The following CCDC39 variants were observed in gnomAD, a reference collection of about 807,000 sequenced individuals.
CCDC39 encodes coiled-coil domain-containing protein 39.
A neutral mutation model predicts 121.0 loss-of-function variants in CCDC39; 113 were observed. The observed-to-expected ratio is 0.93, with a 90% CI of 0.80 to 1.09. The LOEUF (loss-of-function observed/expected upper bound fraction) is 1.09. CCDC39 is among the 50% of genes least tolerant of loss of function. The pLI is 0.00. For synonymous variants in CCDC39, 349 were observed against 352.2 expected (o/e 0.99, Z 0.10); for missense variants, 1,063 against 1,074.7 (o/e 0.99, Z 0.15).
intron 14 of CCDC39, among the ~76,000 whole-genome samples, chr3:180,622,624 A>T (rs1206894550): frequency 6.6e-6 from 1 of 152,062 alleles, no homozygotes; most frequent in Non-Finnish European, 1.5e-5. Flanking sequence ...TCATGAAGGA[A>T]TGCTGAATTT....
chr3:180,646,706 T>C (rs75800769), intron 11 of CCDC39, among the ~76,000 whole-genome samples: 2,355 of 152,170 alleles, frequency 0.015, 65 homozygotes, highest in African/African-American at 0.054. Flanking sequence ...TTCTAAACAG[T>C]GTACTCTTGA....
In CCDC39 at chr3:180,654,768, C is replaced by G; in HGVS notation, c.924G>C (p.Lys308Asn). ...QDHETSRIQL[K>N]GELDSLKATV... Reference sequence around the variant, plus strand: ...CTTTTTTGAGTTGACATACCTCACCCTTCAGCTGAATTCTACTAGTTTCAT... The same window carrying G: ...CTTTTTTGAGTTGACATACCTCACCGTTCAGCTGAATTCTACTAGTTTCAT... The change falls in exon 7 of 20, where the codon AAG becomes AAC. Residue 308 changes from lysine (K) to asparagine (N), a missense_variant. Physicochemically the swap from Lys to Asn is moderately conservative, Grantham distance 94. Coordinates refer to ENST00000476379, the MANE Select transcript of CCDC39 (RefSeq NM_181426.2). The G allele has an allele frequency of 6.2e-7, 1 of 1,605,620 alleles. No homozygotes were observed. Among genetic ancestry groups the G allele is most frequent in the Non-Finnish European group, 8.5e-7 (1 of 1,175,768 alleles).
chr3:180,675,967 T>G lies in CCDC39; in HGVS notation c.90+3324A>C, dbSNP rs181877259. On this transcript the variant is annotated intron_variant, in intron 1 of 19. Transcript: ENST00000476379. ...TGTAGAAAGCTGAAACTGGATTCCT[T>G]CCTTACACCTTATACAAAAATTAAT... 1.2e-3 allele frequency among the ~76,000 whole-genome samples: 178 copies of G among 152,320 alleles called. 3 individuals carry two copies. The highest frequency in any genetic ancestry group is 5.5e-3 in the Admixed American group (84 of 15,300).
intron 6 of CCDC39, among the ~76,000 whole-genome samples, chr3:180,656,796 T>C (rs1463485715): frequency 1.3e-5 from 2 of 152,240 alleles, no homozygotes; most frequent in Non-Finnish European, 2.9e-5. Flanking sequence ...ATGCTAATTA[T>C]GATGCATTAG....
At chr3:180,617,112 C>T in intron 16 of CCDC39, 146 bp from the exon 17 acceptor site, 1 of 568,800 alleles carries the variant, frequency 1.8e-6, no homozygotes, top group Non-Finnish European at 3.0e-6. Context: ...TTAATGACAT[C>T]TCGGTCAATG....
At chr3:180,638,986 T>C (rs200857612) in intron 13 of CCDC39, among the ~76,000 whole-genome samples, 29 of 152,262 alleles carry the variant, frequency 1.9e-4, no homozygotes, top group African/African-American at 5.5e-4. Context: ...CATATGTCCA[T>C]ACCAAGAACA....
intron 6 of CCDC39, among the ~76,000 whole-genome samples, chr3:180,658,019 C>A (rs1184563917): frequency 1.3e-5 from 2 of 151,564 alleles, no homozygotes; most frequent in South Asian, 4.2e-4. Flanking sequence ...GGATTGCCTG[C>A]GGTCAGGAGT....
chr3:180,636,773 C>T (rs562000406), intron 13 of CCDC39, among the ~76,000 whole-genome samples: 1 of 152,248 alleles, frequency 6.6e-6, no homozygotes, highest in South Asian at 2.1e-4. Context: ...AGAAATCAGG[C>T]TGCATCCCTA....
At chr3:180,638,457 A>C (rs1318840184) in intron 13 of CCDC39, among the ~76,000 whole-genome samples, 1 of 152,144 alleles carries the variant, frequency 6.6e-6, no homozygotes, top group East Asian at 1.9e-4. Context: ...ATCCAAGAAA[A>C]TAGAATGATG....
intron 13 of CCDC39, among the ~76,000 whole-genome samples, chr3:180,636,591 T>C (rs1717833650): frequency 6.7e-6 from 1 of 149,372 alleles, no homozygotes; most frequent in South Asian, 2.1e-4. Context: ...TATTTTAAAA[T>C]TCATATGGAA....
At chr3:180,635,413 A>G (rs1350983945) in intron 13 of CCDC39, among the ~76,000 whole-genome samples, 1 of 152,218 alleles carries the variant, frequency 6.6e-6, no homozygotes, top group Non-Finnish European at 1.5e-5. Context: ...CAAAAGTCCA[A>G]GTCCAAAGTC....
At chr3:180,676,806 C>A (rs1399284957) in intron 1 of CCDC39, among the ~76,000 whole-genome samples, 2 of 152,214 alleles carry the variant, frequency 1.3e-5, no homozygotes, top group East Asian at 3.9e-4. Flanking sequence ...GAATACTATG[C>A]AGCCATAAAA....
rs745514628 is a variant in CCDC39, at chr3:180,648,355, A to T, written c.1172T>A (p.Val391Glu). Residue 391 changes from valine (V) to glutamate (E), a missense_variant, in exon 10 of 20, where the codon GTA becomes GAA. Physicochemically the swap from Val to Glu is moderately radical, Grantham distance 121. Transcript: ENST00000476379. ...LKEEEKDVKE[V>E]DVQLNLIKGV... ...TTTTATGAGGTTCAGTTGAACATCT[A>T]CTTCCTGATAATGAGAATTATAGTG... The T allele has an allele frequency of 5.2e-6, 8 of 1,540,860 alleles. No homozygotes were observed. Among genetic ancestry groups the T allele is most frequent in the Non-Finnish European group, 7.0e-6 (8 of 1,141,586 alleles).
intron 1 of CCDC39, among the ~76,000 whole-genome samples, chr3:180,671,600 A>G (rs74946882): frequency 0.022 from 3,337 of 152,286 alleles, 124 homozygotes; most frequent in African/African-American, 0.076. Context: ...ATCAGCCACA[A>G]TCAGCTTACA....
chr3:180,657,409 GA>G (rs1409745691), intron 6 of CCDC39, among the ~76,000 whole-genome samples: 1 of 152,160 alleles, frequency 6.6e-6, no homozygotes, highest in African/African-American at 2.4e-5. Flanking sequence ...GGTTGTATGA[GA>G]AAACTGATTG....
chr3:180,663,750 C>T, intron 2 of CCDC39, 117 bp downstream of exon 2: 1 of 962,986 alleles, frequency 1.0e-6, no homozygotes, highest in Non-Finnish European at 1.5e-6. Context: ...GTTATGTTCA[C>T]AATAGTTTAA....
At chr3:180,660,910 G>A (rs1002594248) in intron 3 of CCDC39, among the ~76,000 whole-genome samples, 182 bp from the exon 4 acceptor site, 1 of 151,886 alleles carries the variant, frequency 6.6e-6, no homozygotes, top group South Asian at 2.1e-4. Flanking sequence ...TATATAGCTT[G>A]TATCTTAATT....
At chr3:180,672,658 G>T (rs1447430257) in intron 1 of CCDC39, among the ~76,000 whole-genome samples, 1 of 152,172 alleles carries the variant, frequency 6.6e-6, no homozygotes, top group East Asian at 1.9e-4. Flanking sequence ...CTATGATGGA[G>T]ACGTACAAAG....
rs541958184 is a variant in CCDC39, at chr3:180,642,071, C to T, written c.1796G>A (p.Arg599Gln). The T allele has an allele frequency of 6.8e-6, 11 of 1,611,942 alleles. No individual in the cohort carries two copies. Among genetic ancestry groups the T allele is most frequent in the East Asian group, 4.5e-5 (2 of 44,736 alleles). Residue 599 changes from arginine (R) to glutamine (Q), a missense_variant, in exon 13 of 20, where the codon CGA becomes CAA. Coordinates refer to ENST00000476379, the MANE Select transcript of CCDC39 (RefSeq NM_181426.2). The stretch of plus-strand genomic sequence containing the variant: ...TTTATGAACCTTGATTTCTTCAGTT[C>T]GCTCTTCCATTGCTGTGTATAATTG... ...KQQLYTAMEE[R>Q]TEEIKVHKTM...
Sources: allele counts gnomAD v4.1 joint callset (sites outside exome capture counted in the v4.1 genomes callset), GRCh38; gene constraint gnomAD v4.1.1; transcripts MANE v1.5; gene names NCBI Gene and HGNC (gene_info 2026-07-23, HGNC 2026-07-21).